CENPK: variants seen among roughly 807,000 people sequenced by gnomAD.
CENPK encodes the protein centromere protein K, also known as SoxLZ/Sox6-binding protein Solt.
A neutral mutation model predicts 40.9 loss-of-function variants in CENPK; 46 were observed. The observed-to-expected ratio is 1.13, with a 90% CI of 0.89 to 1.44. CENPK has a LOEUF of 1.44. CENPK is among the 40% of genes most tolerant of loss of function. The pLI is 0.00. For missense variants in CENPK, 288 were observed against 303.5 expected (o/e 0.95, Z 0.38); for synonymous variants, 107 against 104.4 (o/e 1.02, Z -0.15).
At chr5:65,559,058 T>C (rs980281039) in intron 2 of CENPK, among the ~76,000 whole-genome samples, 1 of 152,190 alleles carries the variant, frequency 6.6e-6, no homozygotes, top group Non-Finnish European at 1.5e-5. Context: ...TAAAGAATGA[T>C]GAGGATGTCT....
intron 9 of CENPK, among the ~76,000 whole-genome samples, chr5:65,527,411 T>C (rs1019841602): frequency 4.7e-5 from 7 of 150,138 alleles, no homozygotes; most frequent in Non-Finnish European, 7.4e-5. Context: ...CTTCATTCCC[T>C]AGGGAGACAT....
chr5:65,544,754 T>A (rs1456527240), intron 5 of CENPK, among the ~76,000 whole-genome samples: 2 of 152,176 alleles, frequency 1.3e-5, no homozygotes, highest in Non-Finnish European at 2.9e-5. Context: ...TTGAGGACAT[T>A]ACACTAACTA....
At position 65,518,626 on chromosome 5, in the gene CENPK, A is replaced by G. The variant is rs779591294; in HGVS notation, c.659T>C (p.Ile220Thr). ...ITLHEMLEIL[I>T]NRLFDVPHDP... Reference sequence around the variant, plus strand: ...ATGTGGAACATCAAATAATCTATTTATAAGAATCTAGGAGAAAATATCATT... The same window carrying G: ...ATGTGGAACATCAAATAATCTATTTGTAAGAATCTAGGAGAAAATATCATT... The change falls in exon 11 of 11, where the codon ATA (isoleucine) becomes ACA (threonine). Residue 220 changes from isoleucine to threonine, a missense_variant. Coordinates refer to ENST00000396679, the MANE Select transcript of CENPK (RefSeq NM_022145.5). 7.6e-6 allele frequency: 12 copies of G among 1,570,080 alleles called. No homozygotes were observed. In the African/African-American group the frequency reaches 1.1e-4, roughly 14 times the overall value.
chr5:65,556,172 G>GA (rs1393478318), intron 2 of CENPK, among the ~76,000 whole-genome samples: 6 of 152,052 alleles, frequency 3.9e-5, no homozygotes, highest in South Asian at 4.1e-4. Context: ...AAATTAGCTA[G>GA]AAAAAAAGAC....
At chr5:65,554,227 C>T (rs945290488) in intron 3 of CENPK, among the ~76,000 whole-genome samples, 3 of 152,034 alleles carry the variant, frequency 2.0e-5, no homozygotes, top group East Asian at 1.9e-4. Context: ...CTGCAACATC[C>T]GCCTCCTGGG....
chr5:65,504,733 A>C, the CENPK span, among the ~76,000 whole-genome samples: 4 of 152,176 alleles, frequency 2.6e-5, no homozygotes, highest in African/African-American at 9.7e-5. Context: ...TCTCTTCAAG[A>C]AACACTTTTT....
intron 9 of CENPK, among the ~76,000 whole-genome samples, chr5:65,525,998 G>A (rs913515375): frequency 4.6e-5 from 7 of 152,072 alleles, no homozygotes; most frequent in African/African-American, 1.7e-4. Context: ...GTATTGTTGG[G>A]GAGAGAGAAA....
chr5:65,547,517 G>C (rs1453189552), intron 5 of CENPK, among the ~76,000 whole-genome samples: 1 of 151,940 alleles, frequency 6.6e-6, no homozygotes, highest in Non-Finnish European at 1.5e-5. Flanking sequence ...ACACCTATTA[G>C]AAATGCTCAA....
intron 2 of CENPK, among the ~76,000 whole-genome samples, chr5:65,559,856 T>C (rs1751662234): frequency 6.6e-6 from 1 of 151,828 alleles, no homozygotes; most frequent in Non-Finnish European, 1.5e-5. Context: ...ACAAGGCAAA[T>C]CAAGGAGAAA....
At chr5:65,510,276 A>G in the CENPK span, among the ~76,000 whole-genome samples, 1 of 152,380 alleles carries the variant, frequency 6.6e-6, no homozygotes, top group Admixed American at 6.5e-5. Flanking sequence ...TAGCAAACAT[A>G]TGAATGGTAA....
chr5:65,519,832 G>A (rs1350271424), intron 10 of CENPK, among the ~76,000 whole-genome samples: 2 of 152,150 alleles, frequency 1.3e-5, no homozygotes, highest in East Asian at 3.9e-4. Context: ...TTGTATTTTA[G>A]AGCAATGGCT....
downstream of CENPK, among the ~76,000 whole-genome samples, chr5:65,513,327 A>G (rs1342241596): frequency 6.6e-6 from 1 of 152,208 alleles, no homozygotes; most frequent in Non-Finnish European, 1.5e-5. Flanking sequence ...AATTTTGTCA[A>G]TATCCACAAG....
chr5:65,542,760 A>C, intron 6 of CENPK, 42 bp downstream of exon 6: 1 of 1,463,908 alleles, frequency 6.8e-7, no homozygotes, highest in Non-Finnish European at 9.5e-7. Context: ...AGATCTAGTT[A>C]GAAATTATTT....
At chr5:65,514,862 T>C (rs1742753899), downstream of CENPK, among the ~76,000 whole-genome samples, 1 of 152,236 alleles carries the variant, frequency 6.6e-6, no homozygotes, top group South Asian at 2.1e-4. Context: ...ATATCATTCC[T>C]TTATTATCCT....
chr5:65,534,418 C>G (rs1023357382), intron 6 of CENPK, among the ~76,000 whole-genome samples: 1 of 151,950 alleles, frequency 6.6e-6, no homozygotes, highest in African/African-American at 2.4e-5. Context: ...TTGAAAAGAA[C>G]AACAAAGTTA....
At chr5:65,539,186 G>A (rs1008402604) in intron 6 of CENPK, among the ~76,000 whole-genome samples, 10 of 152,232 alleles carry the variant, frequency 6.6e-5, no homozygotes, top group South Asian at 2.1e-4. Context: ...TTTAAAACTC[G>A]AAAATTCAGG....
chr5:65,548,144 AG>A, intron 5 of CENPK, among the ~76,000 whole-genome samples: 1 of 152,236 alleles, frequency 6.6e-6, no homozygotes, highest in East Asian at 1.9e-4. Context: ...GATACTTTGG[AG>A]ATAGTCCAAG....
At chr5:65,524,449 GACCATCCTGGCTA>G (rs1744307879) in intron 9 of CENPK, among the ~76,000 whole-genome samples, 1 of 148,532 alleles carries the variant, frequency 6.7e-6, no homozygotes. Context: ...AGGAGGTCGA[GACCATCCTGGCTA>G]ACACAGTGAA....
At chr5:65,562,672 G>A (rs1752219038) in intron 1 of CENPK, 1 of 152,200 alleles carries the variant, frequency 6.6e-6, no homozygotes, top group Non-Finnish European at 1.5e-5. Flanking sequence ...AAAGAGTTCA[G>A]ATGACTGCTA....
Sources: allele counts gnomAD v4.1 joint callset (sites outside exome capture counted in the v4.1 genomes callset), GRCh38; gene constraint gnomAD v4.1.1; transcripts MANE v1.5; gene names NCBI Gene and HGNC (gene_info 2026-07-23, HGNC 2026-07-21).